FGD5: variants seen among roughly 807,000 people sequenced by gnomAD.
FGD5 encodes the protein FYVE, RhoGEF and PH domain containing 5.
FGD5 carries 28 observed loss-of-function variants against 133.4 expected under a neutral mutation model. The observed-to-expected ratio is 0.21, with a 90% CI of 0.16 to 0.29. The LOEUF (loss-of-function observed/expected upper bound fraction) is 0.29, where lower values mean the gene tolerates loss of function less well. Ranked by LOEUF, FGD5 falls within the 10% of genes least tolerant of loss-of-function variation. FGD5 has a pLI of 1.00. For missense variants in FGD5, 1,858 were observed against 1,895.2 expected (o/e 0.98, Z 0.36); for synonymous variants, 810 against 776.5 (o/e 1.04, Z -0.72).
chr3:14,847,624 T>TA (rs745456975), intron 1 of FGD5, among the ~76,000 whole-genome samples: 2 of 152,226 alleles, frequency 1.3e-5, no homozygotes, highest in Non-Finnish European at 2.9e-5. Flanking sequence ...TCTGTACTGT[T>TA]ACTATCCCTG....
intron 4 of FGD5, chr3:14,897,211 G>C (rs1008013962): frequency 2.0e-5 from 7 of 344,478 alleles, no homozygotes; most frequent in Middle Eastern, 1.6e-3. Flanking sequence ...TCTTGAAAAA[G>C]AAGAGTGTTC....
rs1418260577 is a variant in FGD5, at chr3:14,882,434, A to T, written c.2748+1662A>T. 5.0e-6 allele frequency: 4 copies of T among 795,000 alleles called. No individual in the cohort carries two copies. The South Asian group carries it at 1.7e-4, about 34-fold the overall frequency. The allele number at this position is 795,000 out of a possible 1,614,324, so 49.2% of individuals were successfully genotyped here. ...TCACTCAGGCCAGGCGCGATGGCTC[A>T]TGCCTGTAATCTCAGCACTTTGGGA... On this transcript the variant is annotated intron_variant, in intron 4 of 19. Coordinates refer to ENST00000285046, the MANE Select transcript of FGD5 (RefSeq NM_152536.4).
At chr3:14,862,149 G>A (rs1444061342) in intron 1 of FGD5, among the ~76,000 whole-genome samples, 2 of 152,190 alleles carry the variant, frequency 1.3e-5, no homozygotes, top group Non-Finnish European at 2.9e-5. Flanking sequence ...TGCCTGGCAT[G>A]CACCTTCCTT....
At chr3:14,912,894 G>C (rs143582126) in intron 11 of FGD5, among the ~76,000 whole-genome samples, 6,787 of 152,278 alleles carry the variant, frequency 0.045, 199 homozygotes, top group Middle Eastern at 0.078. Flanking sequence ...AAATGAGCCA[G>C]GCATGGTGGC....
chr3:14,858,278 C>CTGAG (rs1457672792), intron 1 of FGD5, among the ~76,000 whole-genome samples: 3 of 149,002 alleles, frequency 2.0e-5, no homozygotes, highest in Admixed American at 6.7e-5. Context: ...GGAGGGATGG[C>CTGAG]TGAGTGAGTA....
intron 16 of FGD5, 114 bp downstream of exon 16, chr3:14,923,289 T>G: frequency 7.1e-7 from 1 of 1,405,494 alleles, no homozygotes; most frequent in African/African-American, 1.4e-5. Context: ...CTGGAGGGAG[T>G]TATTCACTCC....
At chr3:14,827,693 G>A (rs2036627497) in intron 1 of FGD5, among the ~76,000 whole-genome samples, 1 of 152,090 alleles carries the variant, frequency 6.6e-6, no homozygotes, top group Non-Finnish European at 1.5e-5. Context: ...AGCTTTCCTG[G>A]AACTTGCTAA....
rs962247860 is a variant in FGD5, at chr3:14,902,091, G to A, written c.3264+1030G>A. ...GAGGTCAGGAGTTCAAGACCAGCCT[G>A]GCCAACATGATGAAACCCTGTCTCT... On this transcript the variant is annotated intron_variant, in intron 9 of 19. Coordinates refer to ENST00000285046, the MANE Select transcript of FGD5 (RefSeq NM_152536.4). Among the ~76,000 whole-genome samples, 5 of 152,124 alleles carry A rather than the reference G, an allele frequency of 3.3e-5. No individual in the cohort carries two copies. In the East Asian group the frequency reaches 9.7e-4, roughly 30 times the overall value.
rs376304868 is a variant in FGD5 at position 14,924,117 on chromosome 3, A to G, written c.4047A>G (p.Lys1349=). ...INPSTFKKQK[K]VPSALTEVAA... ...CCTCGACCTTCAAGAAGCAGAAGAA[A>G]GTCCCTTCAGCCCTGACAGAGGTAA... is the stretch of plus-strand genomic sequence containing the variant. The change falls in exon 17 of 20, where the codon AAA becomes AAG. Residue 1349 remains lysine (K), a synonymous_variant. Transcript: ENST00000285046. 6.2e-7 allele frequency: 1 copy of G among 1,613,868 alleles called. No individual in the cohort carries two copies. The highest frequency in any genetic ancestry group is 1.3e-5 in the African/African-American group (1 of 74,930).
chr3:14,910,787 G>A (rs1289476224), intron 10 of FGD5, 74 bp from the exon 11 acceptor site: 7 of 1,403,830 alleles, frequency 5.0e-6, no homozygotes, highest in Non-Finnish European at 6.0e-6. Context: ...TCCACTCAGG[G>A]GCCTCCCCTG....
chr3:14,817,484 C>G (rs1186346343), upstream of FGD5, among the ~76,000 whole-genome samples: 3 of 152,212 alleles, frequency 2.0e-5, no homozygotes, highest in Non-Finnish European at 4.4e-5. Flanking sequence ...GTGTGAGCCA[C>G]TGCACCCAGC....
intron 1 of FGD5, among the ~76,000 whole-genome samples, chr3:14,860,644 G>A (rs57798884): frequency 0.099 from 15,127 of 152,090 alleles, 882 homozygotes; most frequent in East Asian, 0.24. Context: ...AGTCAAACAC[G>A]TTATTATAAT....
chr3:14,916,098 T>C (rs1446522953), intron 11 of FGD5, among the ~76,000 whole-genome samples: 1 of 152,212 alleles, frequency 6.6e-6, no homozygotes, highest in African/African-American at 2.4e-5. Flanking sequence ...TTTAGTGGGC[T>C]TATTCTGGTT....
rs753125761 is a variant in FGD5, at chr3:14,897,686, C to G, written c.2909+17C>G. 1 of 1,584,632 alleles carries G rather than the reference C, an allele frequency of 6.3e-7. No individual in the cohort carries two copies. Among genetic ancestry groups the G allele is most frequent in the Admixed American group, 1.9e-5 (1 of 53,828 alleles). ...GTCAAATTGGTGAGCAGTCCCTGGA[C>G]CCCCGGGTTCCACTTTTGTTGCACT... On this transcript the variant is annotated intron_variant, in intron 5 of 19. Coordinates refer to ENST00000285046, the MANE Select transcript of FGD5 (RefSeq NM_152536.4).
chr3:14,867,228 A>G (rs2037512901), intron 2 of FGD5, among the ~76,000 whole-genome samples: 1 of 152,216 alleles, frequency 6.6e-6, no homozygotes, highest in Non-Finnish European at 1.5e-5. Flanking sequence ...TTGTTTTTAC[A>G]TATATGATAT....
intron 11 of FGD5, among the ~76,000 whole-genome samples, chr3:14,914,634 A>T (rs1479972089): frequency 6.6e-6 from 1 of 152,164 alleles, no homozygotes; most frequent in Admixed American, 6.5e-5. Flanking sequence ...GGCAAGGTTC[A>T]TGAACCTGTG....
chr3:14,864,005 A>C, intron 1 of FGD5, 123 bp from the exon 2 acceptor site: 1 of 1,382,566 alleles, frequency 7.2e-7, no homozygotes, highest in Non-Finnish European at 9.8e-7. Context: ...GGAAGTAGGA[A>C]TTTTGTGCCT....
intron 10 of FGD5, among the ~76,000 whole-genome samples, chr3:14,909,562 G>A (rs1434620039): frequency 6.6e-6 from 1 of 152,146 alleles, no homozygotes; most frequent in Non-Finnish European, 1.5e-5. Context: ...GATGAGCTCA[G>A]TTAAAAACTG....
At position 14,922,989 on chromosome 3, in the gene FGD5, G is replaced by A. The variant is rs561096097; in HGVS notation, c.3808-57G>A. ...AGCAGAGGGAGCGGAGGGGAGGGGT[G>A]CAGGTCTCCTTTGCATGCACTGAGA... is the stretch of plus-strand genomic sequence containing the variant. On this transcript the variant is annotated intron_variant, in intron 15 of 19. Coordinates refer to ENST00000285046, the MANE Select transcript of FGD5 (RefSeq NM_152536.4). The surrounding 1 kb of genome is among the most constrained non-coding windows in gnomAD (Gnocchi z 4.1). 1.9e-5 allele frequency: 30 copies of A among 1,610,174 alleles called. No individual in the cohort carries two copies. In the South Asian group the frequency reaches 2.8e-4, roughly 15 times the overall value.
Sources: allele counts gnomAD v4.1 joint callset (sites outside exome capture counted in the v4.1 genomes callset), GRCh38; gene constraint gnomAD v4.1.1; non-coding constraint Gnocchi (gnomAD v3.1); transcripts MANE v1.5; gene names NCBI Gene and HGNC (gene_info 2026-07-23, HGNC 2026-07-21).